GDF11: variants seen among roughly 807,000 people sequenced by gnomAD.
GDF11 encodes growth differentiation factor 11.
GDF11 carries 12 observed loss-of-function variants against 34.4 expected under a neutral mutation model. The observed-to-expected ratio is 0.35, with a 90% confidence interval of 0.22 to 0.57. The LOEUF (loss-of-function observed/expected upper bound fraction) is 0.57, where lower values mean the gene tolerates loss of function less well. Among genes scored for constraint, GDF11 ranks in the 20% least tolerant of loss-of-function variants. GDF11 has a pLI of 0.86. For synonymous variants in GDF11, 212 were observed against 231.1 expected (o/e 0.92, Z 0.75); for missense variants, 346 against 548.2 (o/e 0.63, Z 3.68).
chr12:55,743,705 TG>T lies in GDF11; in HGVS notation c.391del (p.Glu131ArgfsTer40). The T allele has an allele frequency of 6.3e-7, 1 of 1,599,886 alleles. No individual in the cohort carries two copies. ...GACGCGCTGCAGCCCGAGGACTTCCTGGAGGAGGACGAGTACCACGCCACCA... is the reference window on the plus strand; with the variant it reads ...GACGCGCTGCAGCCCGAGGACTTCCTGAGGAGGACGAGTACCACGCCACCA... ...QGDALQPEDF[L>X]EEDEYHATTE... On this transcript the variant is annotated frameshift_variant, in exon 1 of 3. Coordinates refer to ENST00000257868, the MANE Select transcript of GDF11 (RefSeq NM_005811.5). LOFTEE classifies it high-confidence loss of function.
Position 55,751,192 on chromosome 12 carries a change from A to G in GDF11, c.*1310A>G, listed in dbSNP as rs894132741. 4.6e-5 allele frequency: 7 copies of G among 152,422 alleles called. No homozygotes were observed. Among genetic ancestry groups the G allele is most frequent in the East Asian group, 3.9e-4 (2 of 5,188 alleles). 9.4% of individuals were successfully genotyped at this position (152,422 alleles called of 1,614,324 possible). ...AGGGGAGAACAAGGAAGCAGAGTGTATAATTATTTTTTCCTTTTATTTTTG... is the reference window on the plus strand; with the variant it reads ...AGGGGAGAACAAGGAAGCAGAGTGTGTAATTATTTTTTCCTTTTATTTTTG... On this transcript the variant is annotated 3_prime_UTR_variant, in exon 3 of 3. Coordinates refer to ENST00000257868, the MANE Select transcript of GDF11 (RefSeq NM_005811.5).
At chr12:55,746,697 T>G (rs1878192599) in intron 1 of GDF11, among the ~76,000 whole-genome samples, 2 of 152,278 alleles carry the variant, frequency 1.3e-5, no homozygotes, top group Admixed American at 1.3e-4. Context: ...TAGTAGCTTC[T>G]CAATAAATGT....
Position 55,754,370 on chromosome 12 carries a change from A to G in GDF11, c.*4488A>G, listed in dbSNP as rs187086222. 1.3e-5 allele frequency: 2 copies of G among 152,318 alleles called. No homozygotes were observed. The highest frequency in any genetic ancestry group is 4.8e-5 in the African/African-American group (2 of 41,580). The allele number at this position is 152,318 out of a possible 1,614,324, so 9.4% of individuals were successfully genotyped here. A position where few individuals can be genotyped will look rare whatever the true frequency, so the allele number is the denominator to read the frequency against. ...GCTATCCTATACTCTGACCTTGCCTATATTTTAAATGGCAGGGGCCCCAAG... is the reference window on the plus strand; with the variant it reads ...GCTATCCTATACTCTGACCTTGCCTGTATTTTAAATGGCAGGGGCCCCAAG... On this transcript the variant is annotated 3_prime_UTR_variant, in exon 3 of 3. Coordinates refer to ENST00000257868, the MANE Select transcript of GDF11 (RefSeq NM_005811.5).
In GDF11 at chr12:55,749,023, G is replaced by A; in HGVS notation, c.843+40G>A. ...TGAGGTGGTGGATATGTGTAACCTG[G>A]CCCTGAGGAGATAGGGTTACATTGG... On this transcript the variant is annotated intron_variant, in intron 2 of 2. Coordinates refer to ENST00000257868, the MANE Select transcript of GDF11 (RefSeq NM_005811.5). This position sits in a 1 kb window ranked among gnomAD's most constrained non-coding sequence, Gnocchi z 5.6. The A allele has an allele frequency of 6.5e-7, 1 of 1,540,448 alleles. No homozygotes were observed. The highest frequency in any genetic ancestry group is 8.7e-7 in the Non-Finnish European group (1 of 1,147,442).
chr12:55,751,403 C>T lies in GDF11; in HGVS notation c.*1521C>T, dbSNP rs1354333020. On this transcript the variant is annotated 3_prime_UTR_variant, in exon 3 of 3. Coordinates refer to ENST00000257868, the MANE Select transcript of GDF11 (RefSeq NM_005811.5). Reference sequence around the variant, plus strand: ...CATTCATTCCTCCCACAACCCTGACCCATTCTCCTCTGGACTCACTGTGCC... The same window carrying T: ...CATTCATTCCTCCCACAACCCTGACTCATTCTCCTCTGGACTCACTGTGCC... 1.3e-5 allele frequency: 2 copies of T among 152,170 alleles called. No homozygotes were observed. The highest frequency in any genetic ancestry group is 2.9e-5 in the Non-Finnish European group (2 of 68,062). The allele number at this position is 152,170 out of a possible 1,614,324, so 9.4% of individuals were successfully genotyped here.
rs531600671 is a variant in GDF11 at position 55,751,645 on chromosome 12, G to A, written c.*1763G>A. On this transcript the variant is annotated 3_prime_UTR_variant, in exon 3 of 3. Coordinates refer to ENST00000257868, the MANE Select transcript of GDF11 (RefSeq NM_005811.5). ...CCCCTCTGCCTCCCAGCTGGACAGT[G>A]CCTAGAAGCCAAGGAGTTGAGAATC... 1 of 152,216 alleles carries A rather than the reference G, an allele frequency of 6.6e-6. No individual in the cohort carries two copies. Among genetic ancestry groups the A allele is most frequent in the South Asian group, 2.1e-4 (1 of 4,832 alleles). The allele number at this position is 152,216 out of a possible 1,614,324, so 9.4% of individuals were successfully genotyped here. A position where few individuals can be genotyped will look rare whatever the true frequency, so the allele number is the denominator to read the frequency against.
rs1253522146 is a variant in GDF11 at position 55,755,758 on chromosome 12, C to T, written c.*5876C>T. 6.6e-6 allele frequency: 1 copy of T among 150,428 alleles called. No individual in the cohort carries two copies. The highest frequency in any genetic ancestry group is 2.5e-5 in the African/African-American group (1 of 40,658). The allele number at this position is 150,428 out of a possible 1,614,324, so 9.3% of individuals were successfully genotyped here. On this transcript the variant is annotated 3_prime_UTR_variant, in exon 3 of 3. Transcript: ENST00000257868. ...TAGAGACTTCTGACCAACATAGGAACAGCTGCTGAAATGGGATGAAAGAGG... is the reference window on the plus strand; with the variant it reads ...TAGAGACTTCTGACCAACATAGGAATAGCTGCTGAAATGGGATGAAAGAGG...
At position 55,748,556 on chromosome 12, in the gene GDF11, T is replaced by G; in HGVS notation, c.446-30T>G. ...ACTGATCCCCTACACAAACACCCTTTGCTGATGCTGTGCCCTTCTCTCTTA... is the reference window on the plus strand; with the variant it reads ...ACTGATCCCCTACACAAACACCCTTGGCTGATGCTGTGCCCTTCTCTCTTA... On this transcript the variant is annotated intron_variant, in intron 1 of 2. Coordinates refer to ENST00000257868, the MANE Select transcript of GDF11 (RefSeq NM_005811.5). This position sits in a 1 kb window ranked among gnomAD's most constrained non-coding sequence, Gnocchi z 5.6. 1 of 1,569,382 alleles carries G rather than the reference T, an allele frequency of 6.4e-7. No individual in the cohort carries two copies. The highest frequency in any genetic ancestry group is 1.3e-5 in the African/African-American group (1 of 74,136).
At position 55,743,478 on chromosome 12, in the gene GDF11, C is replaced by T; in HGVS notation, c.162C>T (p.Ser54=). 6.7e-7 allele frequency: 1 copy of T among 1,502,234 alleles called. No individual in the cohort carries two copies. The highest frequency in any genetic ancestry group is 8.9e-7 in the Non-Finnish European group (1 of 1,127,814). 93.1% of individuals were successfully genotyped at this position (1,502,234 alleles called of 1,614,324 possible). ...GGERSSRPAP[S]VAPEPDGCPV... Reference sequence around the variant, plus strand: ...AGCGCTCCAGCCGGCCAGCCCCGTCCGTGGCGCCCGAGCCGGACGGCTGCC... The same window carrying T: ...AGCGCTCCAGCCGGCCAGCCCCGTCTGTGGCGCCCGAGCCGGACGGCTGCC... The change falls in exon 1 of 3, where the codon TCC becomes TCT. Residue 54 remains serine (S), a synonymous_variant. Coordinates refer to ENST00000257868, the MANE Select transcript of GDF11 (RefSeq NM_005811.5).
chr12:55,748,717 G>A lies in GDF11; in HGVS notation c.577G>A (p.Val193Ile). 1.9e-6 allele frequency: 3 copies of A among 1,614,276 alleles called. No individual in the cohort carries two copies. The highest frequency in any genetic ancestry group is 1.7e-6 in the Non-Finnish European group (2 of 1,180,052). The change falls in exon 2 of 3, where the codon GTC becomes ATC. Residue 193 changes from valine (V) to isoleucine (I), a missense_variant. This residue lies in a region of GDF11 where 205 missense variants were observed against 311.3 expected (regional missense o/e 0.66). Coordinates refer to ENST00000257868, the MANE Select transcript of GDF11 (RefSeq NM_005811.5). This position sits in a 1 kb window ranked among gnomAD's most constrained non-coding sequence, Gnocchi z 5.6. Reference sequence around the variant, plus strand: ...ACGGCCTGTACCCCGCCCAGCCACAGTCTACCTGCAGATCTTGCGACTAAA... The same window carrying A: ...ACGGCCTGTACCCCGCCCAGCCACAATCTACCTGCAGATCTTGCGACTAAA... ...YLRPVPRPAT[V>I]YLQILRLKPL...
chr12:55,757,039 A>C lies in GDF11; in HGVS notation c.*7157A>C, dbSNP rs1015084024. 6.6e-6 allele frequency: 1 copy of C among 152,404 alleles called. No homozygotes were observed. The highest frequency in any genetic ancestry group is 1.9e-4 in the East Asian group (1 of 5,202). The allele number at this position is 152,404 out of a possible 1,614,324, so 9.4% of individuals were successfully genotyped here. ...GGGTCACTACAAGCTGCTGGAGCAAAGACTTGGTGGGTGGGTAACTTAACC... is the reference window on the plus strand; with the variant it reads ...GGGTCACTACAAGCTGCTGGAGCAACGACTTGGTGGGTGGGTAACTTAACC... On this transcript the variant is annotated 3_prime_UTR_variant, in exon 3 of 3. Transcript: ENST00000257868.
chr12:55,746,289 CCCA>C (rs762090988), intron 1 of GDF11, among the ~76,000 whole-genome samples: 5 of 152,192 alleles, frequency 3.3e-5, no homozygotes, highest in Non-Finnish European at 4.4e-5. Flanking sequence ...TTAGCTTCCT[CCCA>C]CCTTTAGCTT....
intron 1 of GDF11, among the ~76,000 whole-genome samples, chr12:55,746,969 T>G (rs1187449632): frequency 6.6e-6 from 1 of 152,200 alleles, no homozygotes; most frequent in Non-Finnish European, 1.5e-5. Flanking sequence ...ATTTATTGAG[T>G]GCTGTCTAGC....
intron 1 of GDF11, among the ~76,000 whole-genome samples, chr12:55,745,988 G>A (rs1207313521): frequency 7.1e-6 from 1 of 140,674 alleles, no homozygotes; most frequent in Non-Finnish European, 1.6e-5. Flanking sequence ...GTTTGGGGGG[G>A]TTAGGGTGGG....
rs1878303285 is a variant in GDF11, at chr12:55,751,057, T to TGA, written c.*1176_*1177dup. The TGA allele has an allele frequency of 6.6e-6, 1 of 152,264 alleles. No homozygotes were observed. The highest frequency in any genetic ancestry group is 1.5e-5 in the Non-Finnish European group (1 of 68,090). 9.4% of individuals were successfully genotyped at this position (152,264 alleles called of 1,614,324 possible). A position where few individuals can be genotyped will look rare whatever the true frequency, so the allele number is the denominator to read the frequency against. ...AGGAGGCTGAAGGTTACAGGGCATTTGAATCCAAATCACTGCTCTGGGCTA... is the reference window on the plus strand; with the variant it reads ...AGGAGGCTGAAGGTTACAGGGCATTTGAGAATCCAAATCACTGCTCTGGGCTA... On this transcript the variant is annotated 3_prime_UTR_variant, in exon 3 of 3. Transcript: ENST00000257868.
Position 55,749,425 on chromosome 12 carries a change from G to A in GDF11, c.844-77G>A. 3 of 1,445,944 alleles carry A rather than the reference G, an allele frequency of 2.1e-6. No homozygotes were observed. The highest frequency in any genetic ancestry group is 2.8e-6 in the Non-Finnish European group (3 of 1,070,462). The allele number at this position is 1,445,944 out of a possible 1,614,324, so 89.6% of individuals were successfully genotyped here. The stretch of plus-strand genomic sequence containing the variant: ...CAGCAGTCTCTATTCTGATGCCCCT[G>A]GCAGGTGGGAAAGGAACAGGGAAGA... On this transcript the variant is annotated intron_variant, in intron 2 of 2. Coordinates refer to ENST00000257868, the MANE Select transcript of GDF11 (RefSeq NM_005811.5). The surrounding 1 kb of genome is among the most constrained non-coding windows in gnomAD (Gnocchi z 5.6).
intron 1 of GDF11, among the ~76,000 whole-genome samples, chr12:55,744,610 T>C (rs1284999456): frequency 6.6e-6 from 1 of 152,074 alleles, no homozygotes; most frequent in East Asian, 1.9e-4. Flanking sequence ...CTTTGAAATT[T>C]TATGGCCTGG....
rs1231187149 is a variant in GDF11 at position 55,756,420 on chromosome 12, G to C, written c.*6538G>C. On this transcript the variant is annotated 3_prime_UTR_variant, in exon 3 of 3. Coordinates refer to ENST00000257868, the MANE Select transcript of GDF11 (RefSeq NM_005811.5). ...GAAATAAAGAGATATCTTGACATTA[G>C]AAAGGTGATCAAACTATTACCATTT... The C allele has an allele frequency of 6.6e-6, 1 of 152,146 alleles. No individual in the cohort carries two copies. The highest frequency in any genetic ancestry group is 1.5e-5 in the Non-Finnish European group (1 of 68,032). The allele number at this position is 152,146 out of a possible 1,614,324, so 9.4% of individuals were successfully genotyped here.
chr12:55,746,986 G>A (rs1183456886), intron 1 of GDF11, among the ~76,000 whole-genome samples: 1 of 152,186 alleles, frequency 6.6e-6, no homozygotes, highest in African/African-American at 2.4e-5. Context: ...TAGCACTATG[G>A]GAGGCACTGA....
Sources: gnomAD v4.1 joint callset for allele counts (sites outside exome capture counted in the v4.1 genomes callset) on GRCh38, gnomAD v4.1.1 for gene constraint, gnomAD v4.1.1 regional missense constraint, Gnocchi (gnomAD v3.1) non-coding constraint, MANE v1.5 for transcripts, NCBI Gene and HGNC (gene_info 2026-07-23, HGNC 2026-07-21) for gene names.